Variants in CMIP observed in about 807,000 individuals in gnomAD.
CMIP encodes the protein c-Maf inducing protein.
CMIP carries 13 observed loss-of-function variants against 97.3 expected under a neutral mutation model. The ratio of observed to expected loss-of-function variants is 0.13; its 90% CI spans 0.09 to 0.21. CMIP has a LOEUF of 0.21. Ranked by LOEUF, CMIP falls within the 10% of genes least tolerant of loss-of-function variation. The probability of loss-of-function intolerance (pLI) is 1.00; values close to 1 mark genes in which losing one functional copy is unlikely to be tolerated. For missense variants in CMIP, 847 were observed against 1,024.9 expected (o/e 0.83, Z 2.37); for synonymous variants, 538 against 436.3 (o/e 1.23, Z -2.91).
chr16:81,667,766 A>AAGAGAGAGAG (rs59388984), intron 7 of CMIP, among the ~76,000 whole-genome samples: 62 of 85,188 alleles, frequency 7.3e-4, no homozygotes, highest in Non-Finnish European at 9.2e-4. Context: ...GAGGGAGAGA[A>AAGAGAGAGAG]AGAGAGAGAG....
At chr16:81,582,792 G>A (rs886583303) in intron 1 of CMIP, among the ~76,000 whole-genome samples, 1 of 152,200 alleles carries the variant, frequency 6.6e-6, no homozygotes, top group East Asian at 1.9e-4. Context: ...AAGAGGGAAC[G>A]CTTTCATGAA....
intron 1 of CMIP, among the ~76,000 whole-genome samples, chr16:81,503,657 A>G (rs372660699): frequency 1.7e-4 from 26 of 152,314 alleles, no homozygotes; most frequent in African/African-American, 6.0e-4. Context: ...CTGGCCTCCC[A>G]AGGTGCTGGG....
chr16:81,487,237 C>T lies in CMIP; in HGVS notation c.300+41696C>T, dbSNP rs1244902746. ...CCCTTGCCTCCTGAGCCTCACTGCTCTACCTGGGAGCCCCAGCGTGACTTC... is the reference window on the plus strand; with the variant it reads ...CCCTTGCCTCCTGAGCCTCACTGCTTTACCTGGGAGCCCCAGCGTGACTTC... On this transcript the variant is annotated intron_variant, in intron 1 of 20. Coordinates refer to ENST00000537098, the MANE Select transcript of CMIP (RefSeq NM_198390.3). Among the ~76,000 whole-genome samples the T allele has an allele frequency of 2.6e-5, 4 of 151,034 alleles. No individual in the cohort carries two copies. The East Asian group carries it at 7.9e-4, about 30-fold the overall frequency.
chr16:81,706,010 C>G (rs1314644794), intron 19 of CMIP, among the ~76,000 whole-genome samples: 1 of 152,200 alleles, frequency 6.6e-6, no homozygotes, highest in African/African-American at 2.4e-5. Flanking sequence ...GACCTCCTGA[C>G]TCAGACACCG....
chr16:81,538,678 C>T (rs2150835114), intron 1 of CMIP, among the ~76,000 whole-genome samples: 1 of 152,266 alleles, frequency 6.6e-6, no homozygotes, highest in African/African-American at 2.4e-5. Context: ...AGCCAAGTCA[C>T]ACTGATGTTG....
At chr16:81,602,097 A>G (rs939823307) in intron 1 of CMIP, among the ~76,000 whole-genome samples, 26 of 152,230 alleles carry the variant, frequency 1.7e-4, no homozygotes, top group Admixed American at 1.6e-3. Flanking sequence ...GGAGTTGTGC[A>G]TGGCAGCATA....
chr16:81,696,994 C>T (rs1282939139), intron 14 of CMIP: 1 of 365,466 alleles, frequency 2.7e-6, no homozygotes, highest in Non-Finnish European at 5.0e-6. Context: ...TAAGGTCACA[C>T]AGTTCATTGC....
At chr16:81,680,246 G>A (rs117390694) in intron 10 of CMIP, among the ~76,000 whole-genome samples, 2,636 of 152,310 alleles carry the variant, frequency 0.017, 40 homozygotes, top group Non-Finnish European at 0.021. Flanking sequence ...GCTGGGCAGC[G>A]TTTGGTCATT....
intron 1 of CMIP, among the ~76,000 whole-genome samples, chr16:81,527,222 C>G (rs940699515): frequency 2.0e-5 from 3 of 152,202 alleles, no homozygotes; most frequent in Non-Finnish European, 4.4e-5. Flanking sequence ...TGCAGACACA[C>G]CCTGGCTTGG....
chr16:81,663,521 G>A (rs946822805), intron 6 of CMIP, among the ~76,000 whole-genome samples: 36 of 152,298 alleles, frequency 2.4e-4, no homozygotes, highest in African/African-American at 6.5e-4. Flanking sequence ...TTTTTAGGGC[G>A]TGAAACGACT....
At chr16:81,535,322 G>A (rs772229498) in intron 1 of CMIP, among the ~76,000 whole-genome samples, 2 of 152,086 alleles carry the variant, frequency 1.3e-5, no homozygotes, top group Admixed American at 1.3e-4. Context: ...CAAGCAACCT[G>A]CCCAAGGTCA....
chr16:81,511,997 G>GA (rs921726512), intron 1 of CMIP, among the ~76,000 whole-genome samples: 1 of 151,564 alleles, frequency 6.6e-6, no homozygotes, highest in Non-Finnish European at 1.5e-5. Context: ...GACTTAGTAT[G>GA]AAAAAAAATA....
rs751300630 is a variant in CMIP at position 81,696,625 on chromosome 16, A to C, written c.1596A>C (p.Gly532=). 1 of 1,607,104 alleles carries C rather than the reference A, an allele frequency of 6.2e-7. No homozygotes were observed. The highest frequency in any genetic ancestry group is 8.5e-7 in the Non-Finnish European group (1 of 1,179,772). ...KDGWFQLYSP[G]GVACDDDGEL... ...GCTGGTTCCAGCTCTACAGCCCCGG[A>C]GGGGTGGCCTGCGACGATGACGGGG... Residue 532 remains glycine (G), a synonymous_variant, in exon 14 of 21, where the codon GGA becomes GGC. Coordinates refer to ENST00000537098, the MANE Select transcript of CMIP (RefSeq NM_198390.3).
rs77348147 is a variant in CMIP at position 81,614,323 on chromosome 16, T to C, written c.427-6553T>C. ...GCACGGCATTGTTTCTAACTTGTGC[T>C]GTGTGTCCACCATGGGCCAGTGGGG... On this transcript the variant is annotated intron_variant, in intron 2 of 20. Coordinates refer to ENST00000537098, the MANE Select transcript of CMIP (RefSeq NM_198390.3). This position sits in a 1 kb window ranked among gnomAD's most constrained non-coding sequence, Gnocchi z 5.3. 9.9e-3 allele frequency among the ~76,000 whole-genome samples: 1,510 copies of C among 152,302 alleles called. 28 individuals are homozygous for C. Among genetic ancestry groups the C allele is most frequent in the African/African-American group, 0.035 (1,451 of 41,550 alleles).
chr16:81,604,723 G>A (rs1289413276), intron 1 of CMIP, among the ~76,000 whole-genome samples: 2 of 151,990 alleles, frequency 1.3e-5, no homozygotes, highest in Non-Finnish European at 2.9e-5. Context: ...CAAAAAAACA[G>A]TATGTATTTA....
At chr16:81,615,190 GGT>G (rs2091895518) in intron 2 of CMIP, among the ~76,000 whole-genome samples, 1 of 151,146 alleles carries the variant, frequency 6.6e-6, no homozygotes, top group Non-Finnish European at 1.5e-5. Context: ...GTGTATGTGT[GGT>G]GTGTGTGCAT....
intron 2 of CMIP, 140 bp downstream of exon 2, chr16:81,607,832 AG>A: frequency 1.0e-6 from 1 of 961,798 alleles, no homozygotes. Context: ...CCCAAGTATA[AG>A]AAAGCTGTAA....
At chr16:81,507,787 T>G (rs1347937856) in intron 1 of CMIP, among the ~76,000 whole-genome samples, 1 of 152,160 alleles carries the variant, frequency 6.6e-6, no homozygotes, top group Non-Finnish European at 1.5e-5. Flanking sequence ...TCACTTTGCG[T>G]TTGCCCTGCT....
intron 1 of CMIP, among the ~76,000 whole-genome samples, chr16:81,515,928 G>A (rs751845185): frequency 6.6e-5 from 10 of 152,144 alleles, no homozygotes; most frequent in East Asian, 1.9e-4. Flanking sequence ...CAACTCCTCC[G>A]TGGCTCCAGC....
Sources: gnomAD v4.1 joint callset for allele counts (sites outside exome capture counted in the v4.1 genomes callset) on GRCh38, gnomAD v4.1.1 for gene constraint, Gnocchi (gnomAD v3.1) non-coding constraint, MANE v1.5 for transcripts, NCBI Gene and HGNC (gene_info 2026-07-23, HGNC 2026-07-21) for gene names.